SMIM14: variants seen among roughly 807,000 people sequenced by gnomAD.
The protein encoded by SMIM14 is small integral membrane protein 14.
In SMIM14, 5 loss-of-function variants were observed where a neutral mutation model predicts 12.6. The ratio of observed to expected loss-of-function variants is 0.40; its 90% CI spans 0.21 to 0.83. The LOEUF (loss-of-function observed/expected upper bound fraction) is 0.83. Ranked by LOEUF, SMIM14 falls within the 40% of genes least tolerant of loss-of-function variation. The pLI, the probability that SMIM14 is intolerant of heterozygous loss-of-function variation, is 0.37. For synonymous variants in SMIM14, 30 were observed against 40.1 expected (o/e 0.75, Z 0.95); for missense variants, 86 against 119.1 (o/e 0.72, Z 1.29).
chr4:39,619,854 ATATATTTATATATATATATATATT>A (rs1715402705), intron 1 of SMIM14, among the ~76,000 whole-genome samples: 2 of 60,260 alleles, frequency 3.3e-5, no homozygotes, highest in Non-Finnish European at 5.8e-5. Context: ...ATATATTTAT[ATATATTTATATATATATATATATT>A]TTTTTTTTTT....
intron 1 of SMIM14, among the ~76,000 whole-genome samples, chr4:39,627,493 T>A (rs1350427459): frequency 1.3e-5 from 2 of 150,888 alleles, no homozygotes; most frequent in Non-Finnish European, 3.0e-5. Flanking sequence ...CTTCAGTTTA[T>A]CTATAAAACA....
At chr4:39,626,083 G>A (rs759340015) in intron 1 of SMIM14, among the ~76,000 whole-genome samples, 8 of 152,232 alleles carry the variant, frequency 5.3e-5, no homozygotes, top group South Asian at 2.1e-4. Flanking sequence ...TCAGATCAGC[G>A]GTGGCATTAG....
chr4:39,628,778 G>A (rs1478366461), intron 1 of SMIM14, among the ~76,000 whole-genome samples: 2 of 147,804 alleles, frequency 1.4e-5, no homozygotes, highest in Non-Finnish European at 3.0e-5. Context: ...TGTCACCCAG[G>A]CTGGAGTGCA....
Position 39,556,311 on chromosome 4 carries a change from CTA to C in SMIM14, c.267+115_267+116del, listed in dbSNP as rs1195902083. The C allele has an allele frequency of 5.4e-6, 5 of 924,626 alleles. No homozygotes were observed. In the South Asian group the frequency reaches 5.6e-5, roughly 10 times the overall value. The allele number at this position is 924,626 out of a possible 1,614,324, so 57.3% of individuals were successfully genotyped here. A position where few individuals can be genotyped will look rare whatever the true frequency, so the allele number is the denominator to read the frequency against. ...AATAGAACTACATAGGTAGAATACT[CTA>C]TGAGTTAAATATAATTTAACTAATT... On this transcript the variant is annotated intron_variant, in intron 4 of 4. Transcript: ENST00000295958.
chr4:39,591,310 T>C (rs1449073271), intron 2 of SMIM14, among the ~76,000 whole-genome samples: 1 of 152,074 alleles, frequency 6.6e-6, no homozygotes, highest in Non-Finnish European at 1.5e-5. Context: ...AAGTCCGTGA[T>C]ATGAGATAAT....
At chr4:39,572,317 T>C (rs1236393740) in intron 3 of SMIM14, 98 bp downstream of exon 3, 1 of 286,376 alleles carries the variant, frequency 3.5e-6, no homozygotes, top group East Asian at 1.2e-4. Context: ...ACCACTAGAA[T>C]AGGCAATGTA....
chr4:39,581,274 C>G (rs1713477620), intron 2 of SMIM14, among the ~76,000 whole-genome samples: 1 of 152,028 alleles, frequency 6.6e-6, no homozygotes, highest in African/African-American at 2.4e-5. Context: ...CTCTAAAATT[C>G]AAATGTTTAA....
intron 2 of SMIM14, among the ~76,000 whole-genome samples, chr4:39,589,148 G>A (rs1049977855): frequency 6.6e-5 from 10 of 152,120 alleles, no homozygotes; most frequent in Non-Finnish European, 1.2e-4. Flanking sequence ...GTACAATGGC[G>A]CGATCTCTGC....
intron 2 of SMIM14, among the ~76,000 whole-genome samples, chr4:39,596,322 C>T (rs1362551069): frequency 2.6e-5 from 4 of 152,062 alleles, no homozygotes; most frequent in African/African-American, 9.7e-5. Flanking sequence ...CTCGAACTCC[C>T]GACCTCAGGT....
intron 2 of SMIM14, among the ~76,000 whole-genome samples, chr4:39,572,965 T>TACTAC (rs1440496841): frequency 5.9e-5 from 9 of 152,148 alleles, no homozygotes; most frequent in Admixed American, 3.3e-4. Flanking sequence ...GCCTCCTGAG[T>TACTAC]AGCTGGTACT....
At chr4:39,553,928 G>A (rs1174872936) in intron 4 of SMIM14, among the ~76,000 whole-genome samples, 1 of 152,034 alleles carries the variant, frequency 6.6e-6, no homozygotes, top group Non-Finnish European at 1.5e-5. Flanking sequence ...AGCATGCTAC[G>A]TATCTTTTTT....
At position 39,630,979 on chromosome 4, in the gene SMIM14, T is replaced by A. The variant is rs193151631; in HGVS notation, c.-36+7760A>T. 4.6e-5 allele frequency among the ~76,000 whole-genome samples: 7 copies of A among 151,830 alleles called. No individual in the cohort carries two copies. In the East Asian group the frequency reaches 9.7e-4, roughly 21 times the overall value. On this transcript the variant is annotated intron_variant, in intron 1 of 4. Transcript: ENST00000295958. ...AAGTCTGTTCAAAATTTCAAGCAAG[T>A]CAGTTTCTTCTACATTACCTTTCCC...
At chr4:39,553,939 G>T (rs1711868629) in intron 4 of SMIM14, among the ~76,000 whole-genome samples, 1 of 151,944 alleles carries the variant, frequency 6.6e-6, no homozygotes. Flanking sequence ...TATCTTTTTT[G>T]TGTATGTTTT....
rs1388509668 is a variant in SMIM14, at chr4:39,558,347, A to G, written c.125-1777T>C. Among the ~76,000 whole-genome samples the G allele has an allele frequency of 6.6e-6, 1 of 152,214 alleles. No homozygotes were observed. The highest frequency in any genetic ancestry group is 1.5e-5 in the Non-Finnish European group (1 of 68,042). Reference sequence around the variant, plus strand: ...TGAGGGAGAAGAAAAGGAAAAATCCATTAGGTAAACAGTTAAGGCTGGGCC... The same window carrying G: ...TGAGGGAGAAGAAAAGGAAAAATCCGTTAGGTAAACAGTTAAGGCTGGGCC... On this transcript the variant is annotated intron_variant, in intron 3 of 4. Coordinates refer to ENST00000295958, the MANE Select transcript of SMIM14 (RefSeq NM_174921.3). This position sits in a 1 kb window ranked among gnomAD's most constrained non-coding sequence, Gnocchi z 4.3.
intron 2 of SMIM14, among the ~76,000 whole-genome samples, chr4:39,587,484 A>G (rs887917619): frequency 3.7e-5 from 4 of 109,208 alleles, no homozygotes; most frequent in Non-Finnish European, 7.1e-5. Context: ...AGACAGAGTG[A>G]GGCTCCATCT....
intron 2 of SMIM14, among the ~76,000 whole-genome samples, chr4:39,575,255 C>G (rs2110012389): frequency 6.6e-6 from 1 of 152,086 alleles, no homozygotes; most frequent in East Asian, 1.9e-4. Context: ...ATTGCCTAGG[C>G]TGGTCTTGAA....
chr4:39,616,380 C>T (rs1017533494), intron 1 of SMIM14, among the ~76,000 whole-genome samples: 1 of 152,206 alleles, frequency 6.6e-6, no homozygotes, highest in African/African-American at 2.4e-5. Context: ...TAGTGACCTG[C>T]TCCCTCAGCC....
intron 2 of SMIM14, among the ~76,000 whole-genome samples, chr4:39,587,495 CAAAAAAAA>C (rs71192879): frequency 3.9e-5 from 3 of 77,378 alleles, no homozygotes; most frequent in African/African-American, 5.2e-5. Context: ...GGCTCCATCT[CAAAAAAAA>C]AAAAAAAAAA....
chr4:39,606,505 G>A (rs1452962483), intron 1 of SMIM14, among the ~76,000 whole-genome samples: 1 of 152,052 alleles, frequency 6.6e-6, no homozygotes, highest in Non-Finnish European at 1.5e-5. Context: ...GCCAAGCGTG[G>A]TGGCGTGTGC....
Sources: allele counts gnomAD v4.1 joint callset (sites outside exome capture counted in the v4.1 genomes callset), GRCh38; gene constraint gnomAD v4.1.1; non-coding constraint Gnocchi (gnomAD v3.1); transcripts MANE v1.5; gene names NCBI Gene and HGNC (gene_info 2026-07-23, HGNC 2026-07-21).